The following LONRF2 variants were observed in gnomAD, a reference collection of about 807,000 sequenced individuals.
LONRF2 encodes LON peptidase N-terminal domain and RING finger protein 2.
A neutral mutation model predicts 66.6 loss-of-function variants in LONRF2; 35 were observed. The observed-to-expected ratio is 0.53, with a 90% CI of 0.40 to 0.70. The LOEUF (loss-of-function observed/expected upper bound fraction) is 0.70, where lower values mean the gene tolerates loss of function less well. LONRF2 is among the 30% of genes least tolerant of loss of function. The probability of loss-of-function intolerance (pLI) is 0.00; values close to 1 mark genes in which losing one functional copy is unlikely to be tolerated. For missense variants in LONRF2, 902 were observed against 1,002.1 expected (o/e 0.90, Z 1.35); for synonymous variants, 417 against 418.1 (o/e 1.00, Z 0.03).
chr2:100,287,910 T>C (rs1391373042), intron 10 of LONRF2, among the ~76,000 whole-genome samples: 1 of 152,150 alleles, frequency 6.6e-6, no homozygotes, highest in African/African-American at 2.4e-5. Context: ...TCCTTTCCTG[T>C]TACAAAATTC....
chr2:100,304,790 A>ATT (rs3039614), intron 2 of LONRF2, among the ~76,000 whole-genome samples: 6,066 of 113,076 alleles, frequency 0.054, 659 homozygotes, highest in African/African-American at 0.2. Flanking sequence ...TGCCTGGCTA[A>ATT]TTTTTTTTTT....
intron 9 of LONRF2, among the ~76,000 whole-genome samples, chr2:100,293,514 G>A (rs1016468263): frequency 1.3e-5 from 2 of 152,156 alleles, no homozygotes; most frequent in Non-Finnish European, 2.9e-5. Context: ...CTTGAATGCA[G>A]TGACCTCATC....
At chr2:100,298,778 A>G in intron 7 of LONRF2, 58 bp downstream of exon 7, 1 of 1,267,406 alleles carries the variant, frequency 7.9e-7, no homozygotes. Flanking sequence ...ACAGGGAGTA[A>G]GCGTCCACCA....
intron 6 of LONRF2, 80 bp downstream of exon 6, chr2:100,299,145 TA>T: frequency 9.4e-7 from 1 of 1,061,060 alleles, no homozygotes; most frequent in Non-Finnish European, 1.4e-6. Context: ...TCCGTGATAA[TA>T]AAAAGCCCAT....
intron 2 of LONRF2, among the ~76,000 whole-genome samples, chr2:100,308,204 C>T (rs1236014219): frequency 7.0e-6 from 1 of 141,894 alleles, no homozygotes; most frequent in Non-Finnish European, 1.5e-5. Context: ...CCTGTCTCTA[C>T]TAAAAAATAC....
At position 100,280,370 on chromosome 2, in the gene LONRF2, C is replaced by T. The variant is rs1365122064; in HGVS notation, c.*3928G>A. 2 of 152,082 alleles carry T rather than the reference C, an allele frequency of 1.3e-5. No homozygotes were observed. The highest frequency in any genetic ancestry group is 2.9e-5 in the Non-Finnish European group (2 of 68,044). 9.4% of individuals were successfully genotyped at this position (152,082 alleles called of 1,614,324 possible). On this transcript the variant is annotated 3_prime_UTR_variant, in exon 12 of 12. Transcript: ENST00000393437. ...CATCCTTCCCATCCAGAGCGGGCTT[C>T]CCTGGGAATTAGTTTTTGGTGAACA... is the stretch of plus-strand genomic sequence containing the variant.
At chr2:100,310,032 C>T (rs10186689) in intron 1 of LONRF2, among the ~76,000 whole-genome samples, 9,442 of 152,148 alleles carry the variant, frequency 0.062, 946 homozygotes, top group African/African-American at 0.21. Context: ...ATTGTACCTA[C>T]AGTATATTCT....
chr2:100,322,221 G>A lies in LONRF2; in HGVS notation c.-128C>T. On this transcript the variant is annotated 5_prime_UTR_variant, in exon 1 of 12. Transcript: ENST00000393437. ...CCAGCAGCCACGCGCGTCTGGGGGC[G>A]GCGCGCTGCGAGCGGCTGAGACCGC... is the stretch of plus-strand genomic sequence containing the variant. 1.0e-6 allele frequency: 1 copy of A among 1,001,954 alleles called. No homozygotes were observed. The highest frequency in any genetic ancestry group is 1.3e-6 in the Non-Finnish European group (1 of 789,134). 62.1% of individuals were successfully genotyped at this position (1,001,954 alleles called of 1,614,324 possible).
At chr2:100,300,020 G>GT (rs1553540616) in intron 4 of LONRF2, 102 bp from the exon 5 acceptor site, 3 of 461,936 alleles carry the variant, frequency 6.5e-6, no homozygotes, top group Admixed American at 8.8e-5. Flanking sequence ...GAAAAAAAAA[G>GT]GGGGGGGCAT....
chr2:100,299,078 T>G (rs1057247015), intron 6 of LONRF2, 128 bp from the exon 7 acceptor site: 15 of 867,134 alleles, frequency 1.7e-5, no homozygotes, highest in Non-Finnish European at 2.7e-5. Flanking sequence ...CACTTTCATT[T>G]TATATCTTAT....
At chr2:100,287,119 C>G in intron 10 of LONRF2, 56 bp from the exon 11 acceptor site, 3 of 1,521,946 alleles carry the variant, frequency 2.0e-6, no homozygotes, top group Non-Finnish European at 2.7e-6. Flanking sequence ...GCACGTAACA[C>G]AGTCAGCGAC....
At position 100,321,782 on chromosome 2, in the gene LONRF2, G is replaced by A. The variant is rs1324608044; in HGVS notation, c.312C>T (p.Arg104=). The part of the protein sequence containing the change: ...ELEELAGGLV[R]AVGLRDRPLS... Reference sequence around the variant, plus strand: ...GCGGCCGGTCGCGCAGGCCCACGGCGCGCACCAGGCCGCCCGCCAGCTCTT... The same window carrying A: ...GCGGCCGGTCGCGCAGGCCCACGGCACGCACCAGGCCGCCCGCCAGCTCTT... Residue 104 remains arginine, a synonymous_variant, in exon 1 of 12, where the codon CGC becomes CGT. Transcript: ENST00000393437. 9.6e-7 allele frequency: 1 copy of A among 1,046,940 alleles called. No homozygotes were observed. The highest frequency in any genetic ancestry group is 1.7e-5 in the African/African-American group (1 of 58,178). The allele number at this position is 1,046,940 out of a possible 1,614,324, so 64.9% of individuals were successfully genotyped here. A position where few individuals can be genotyped will look rare whatever the true frequency, so the allele number is the denominator to read the frequency against.
intron 11 of LONRF2, 103 bp downstream of exon 11, chr2:100,286,811 T>C (rs1674855048): frequency 1.2e-5 from 16 of 1,361,520 alleles, no homozygotes; most frequent in Non-Finnish European, 1.6e-5. Context: ...AGCAACCACA[T>C]TGGGGTAACC....
rs1406150412 is a variant in LONRF2, at chr2:100,322,055, C to T, written c.39G>A (p.Gln13=). The T allele has an allele frequency of 1.5e-6, 2 of 1,318,250 alleles. No individual in the cohort carries two copies. The highest frequency in any genetic ancestry group is 3.1e-5 in the African/African-American group (2 of 64,902). 81.7% of individuals were successfully genotyped at this position (1,318,250 alleles called of 1,614,324 possible). The part of the protein sequence containing the change: ...PEPVPPPPPP[Q]CPGCDRAEPI... ...GCTCCGCGCGGTCGCAGCCAGGACA[C>T]TGGGGCGGCGGCGGCGGCGGGACCG... is the stretch of plus-strand genomic sequence containing the variant. Residue 13 remains glutamine, a synonymous_variant, in exon 1 of 12, where the codon CAG becomes CAA. Coordinates refer to ENST00000393437, the MANE Select transcript of LONRF2 (RefSeq NM_198461.4).
chr2:100,295,762 G>A (rs759134979), intron 7 of LONRF2, among the ~76,000 whole-genome samples: 2 of 152,142 alleles, frequency 1.3e-5, no homozygotes, highest in Admixed American at 1.3e-4. Context: ...CGTTCACCTG[G>A]ATGAAGGATG....
chr2:100,298,813 G>C (rs770098550), intron 7 of LONRF2, 23 bp downstream of exon 7: 2 of 1,565,464 alleles, frequency 1.3e-6, no homozygotes, highest in Non-Finnish European at 1.8e-6. Context: ...GAGCTGTCCC[G>C]TCATTTCCTA....
intron 11 of LONRF2, 44 bp from the exon 12 acceptor site, chr2:100,284,536 C>T (rs750516089): frequency 3.0e-5 from 43 of 1,441,964 alleles, no homozygotes; most frequent in Non-Finnish European, 3.4e-5. Context: ...ACTGGAAATG[C>T]AAGCCTGTTC....
At position 100,321,512 on chromosome 2, in the gene LONRF2, C is replaced by A; in HGVS notation, c.582G>T (p.Glu194Asp). ...SGLLEKCFPAECRLRRLAGQA... is the reference protein window; with the variant it reads ...SGLLEKCFPADCRLRRLAGQA... ...GGCCTGCCAGCCTGCGCAGCCGGCA[C>A]TCGGCCGGGAAGCACTTCTCCAGCA... The change falls in exon 1 of 12, where the codon GAG becomes GAT. Residue 194 changes from glutamate to aspartate, a missense_variant. Physicochemically the swap from Glu to Asp is conservative, Grantham distance 45. Transcript: ENST00000393437. The A allele has an allele frequency of 6.5e-7, 1 of 1,549,888 alleles. No homozygotes were observed. Among genetic ancestry groups the A allele is most frequent in the Admixed American group, 1.9e-5 (1 of 54,044 alleles).
At position 100,321,765 on chromosome 2, in the gene LONRF2, T is replaced by A. The variant is rs1675635239; in HGVS notation, c.329A>T (p.Asp110Val). The A allele has an allele frequency of 2.3e-5, 24 of 1,037,386 alleles. No homozygotes were observed. The South Asian group carries it at 8.8e-4, about 38-fold the overall frequency. The allele number at this position is 1,037,386 out of a possible 1,614,324, so 64.3% of individuals were successfully genotyped here. A position where few individuals can be genotyped will look rare whatever the true frequency, so the allele number is the denominator to read the frequency against. Residue 110 changes from aspartate (D) to valine (V), a missense_variant, in exon 1 of 12, where the codon GAC (aspartate) becomes GTC (valine). Around this residue, in one of 2 missense-constraint regions of LONRF2, gnomAD observed 585 missense variants for 569.9 expected, o/e 1.03. Transcript: ENST00000393437. The part of the protein sequence containing the change: ...GGLVRAVGLR[D>V]RPLSAENPGG... The stretch of plus-strand genomic sequence containing the variant: ...CGGGTTCTCCGCGGACAGCGGCCGG[T>A]CGCGCAGGCCCACGGCGCGCACCAG...
Sources: allele counts gnomAD v4.1 joint callset (sites outside exome capture counted in the v4.1 genomes callset), GRCh38; gene constraint gnomAD v4.1.1; regional missense constraint gnomAD v4.1.1; transcripts MANE v1.5; gene names NCBI Gene and HGNC (gene_info 2026-07-23, HGNC 2026-07-21).